The following BRCA1 variants were observed in gnomAD, a reference collection of about 807,000 sequenced individuals.
The protein encoded by BRCA1 is BRCA1 DNA repair associated.
In BRCA1, 140 loss-of-function variants were observed where a neutral mutation model predicts 173.7. That is an observed-to-expected ratio of 0.81 (90% CI 0.70 to 0.93). The LOEUF is 0.93. BRCA1 is among the 40% of genes least tolerant of loss of function. BRCA1 has a pLI of 0.00. For missense variants in BRCA1, 1,983 were observed against 2,172.5 expected, an observed-to-expected ratio of 0.91 and a Z score of 1.73; for synonymous variants, 662 against 756.0, an observed-to-expected ratio of 0.88 and a Z score of 2.04.
intron 11 of BRCA1, among the ~76,000 whole-genome samples, chr17:43,083,184 T>C (rs542450918): frequency 2.0e-5 from 3 of 151,962 alleles, no homozygotes; most frequent in African/African-American, 7.3e-5. Context: ...CTTTCTTTTT[T>C]TTTTTAAGTC....
chr17:43,100,670 ATATATATAAT>A lies in BRCA1; in HGVS notation c.442-800_442-791del, dbSNP rs1345874148. ...ACATATATATAACATATATATATAT[ATATATATAAT>A]ATATATATATATATATATATATGTA... On this transcript the variant is annotated intron_variant, in intron 6 of 22. Transcript: ENST00000357654. Among the ~76,000 whole-genome samples, 11 of 29,112 alleles carry A rather than the reference ATATATATAAT, an allele frequency of 3.8e-4. No individual in the cohort carries two copies. In the South Asian group the frequency reaches 5.7e-3, roughly 15 times the overall value. 19.1% of individuals were successfully genotyped at this position (29,112 alleles called of 152,430 possible). A position where few individuals can be genotyped will look rare whatever the true frequency, so the allele number is the denominator to read the frequency against.
chr17:43,081,133 A>G (rs933195630), intron 12 of BRCA1, among the ~76,000 whole-genome samples: 3 of 152,146 alleles, frequency 2.0e-5, no homozygotes, highest in Non-Finnish European at 4.4e-5. Context: ...CAATAATAAC[A>G]TTTTAAATCT....
intron 1 of BRCA1, among the ~76,000 whole-genome samples, chr17:43,155,592 G>T (rs1350707870): frequency 2.0e-5 from 3 of 152,096 alleles, no homozygotes; most frequent in Non-Finnish European, 4.4e-5. Context: ...GAGTGCAGTG[G>T]TGTGGTCTTG....
chr17:43,068,632 G>A (rs183841852), intron 15 of BRCA1, among the ~76,000 whole-genome samples: 3 of 151,924 alleles, frequency 2.0e-5, no homozygotes, highest in South Asian at 2.1e-4. Context: ...CCCTAAGATC[G>A]TTTCTTTGCA....
chr17:43,087,987 G>A (rs986325603), intron 11 of BRCA1, among the ~76,000 whole-genome samples: 1 of 151,958 alleles, frequency 6.6e-6, no homozygotes, highest in Non-Finnish European at 1.5e-5. Context: ...CCGGGGCTCA[G>A]GCAATCTTCC....
At chr17:43,090,268 T>TG (rs1316761143) in intron 11 of BRCA1, among the ~76,000 whole-genome samples, 8 of 152,028 alleles carry the variant, frequency 5.3e-5, no homozygotes, top group Admixed American at 5.2e-4. Context: ...ATTCTTAAAA[T>TG]GGAGCTATGC....
chr17:43,056,915 GAACC>G (rs2051486457), intron 19 of BRCA1, 133 bp downstream of exon 19: 2 of 816,338 alleles, frequency 2.4e-6, no homozygotes, highest in Non-Finnish European at 4.4e-6. Flanking sequence ...AGTGAAAAAA[GAACC>G]TGTGTGAAAG....
intron 2 of BRCA1, among the ~76,000 whole-genome samples, chr17:43,121,005 G>A (rs1007452919): frequency 1.3e-4 from 19 of 151,484 alleles, no homozygotes; most frequent in African/African-American, 4.6e-4. Context: ...GGCAGGCGGA[G>A]GTTGCAGTGA....
Position 43,094,435 on chromosome 17 carries a change from C to G in BRCA1, c.1096G>C (p.Asp366His), listed in dbSNP as rs1289961661. 13 of 1,614,110 alleles carry G rather than the reference C, an allele frequency of 8.1e-6. No individual in the cohort carries two copies. The highest frequency in any genetic ancestry group is 1.1e-5 in the Non-Finnish European group (13 of 1,180,024). Reference sequence around the variant, plus strand: ...GTTATCCAAGGAACATCTTCAGTATCTCTAGGATTCTCTGAGCATGGCAGT... The same window carrying G: ...GTTATCCAAGGAACATCTTCAGTATGTCTAGGATTCTCTGAGCATGGCAGT... ...QKLPCSENPR[D>H]TEDVPWITLN... is the part of the protein sequence containing the mutation. Residue 366 changes from aspartate (D) to histidine (H), a missense_variant, in exon 10 of 23, where the codon GAT becomes CAT. Physicochemically the swap from Asp to His is moderately conservative, Grantham distance 81. Coordinates refer to ENST00000357654, the MANE Select transcript of BRCA1 (RefSeq NM_007294.4).
At chr17:43,113,679 T>C (rs1230412516) in intron 3 of BRCA1, among the ~76,000 whole-genome samples, 1 of 152,206 alleles carries the variant, frequency 6.6e-6, no homozygotes, top group African/African-American at 2.4e-5. Flanking sequence ...TATTTTCTTT[T>C]ATTTGTACAT....
At chr17:43,100,609 C>CATATATATAACATATATATGTTAT in intron 6 of BRCA1, among the ~76,000 whole-genome samples, 1 of 65,758 alleles carries the variant, frequency 1.5e-5, no homozygotes, top group Non-Finnish European at 2.7e-5. Flanking sequence ...ATATATATAA[C>CATATATATAACATATATATGTTAT]ATATATATAA....
Position 43,067,647 on chromosome 17 carries a change from G to T in BRCA1, c.5035C>A (p.Leu1679Ile), listed in dbSNP as rs934248073. 1 of 1,613,328 alleles carries T rather than the reference G, an allele frequency of 6.2e-7. No homozygotes were observed. Among genetic ancestry groups the T allele is most frequent in the Admixed American group, 1.7e-5 (1 of 59,982 alleles). Residue 1679 changes from leucine to isoleucine, a missense_variant, in exon 16 of 23, where the codon CTA becomes ATA. Physicochemically the swap from Leu to Ile is conservative, Grantham distance 5. Transcript: ENST00000357654. Reference protein sequence around the residue: ...ARKHHITLTNLITEETTHVVM... With the variant: ...ARKHHITLTNIITEETTHVVM... ...ACATGAGTAGTCTCTTCAGTAATTA[G>T]ATTAGTTAAAGTGATGTGGTGTTTT...
At chr17:43,073,159 C>T (rs148436838) in intron 14 of BRCA1, among the ~76,000 whole-genome samples, 24 of 152,058 alleles carry the variant, frequency 1.6e-4, no homozygotes, top group Non-Finnish European at 2.9e-4. Context: ...TAACAAGACC[C>T]GTGTCTAACC....
chr17:43,138,666 G>A, intron 1 of BRCA1: 1 of 778,278 alleles, frequency 1.3e-6, no homozygotes, highest in South Asian at 1.3e-5. Flanking sequence ...GGTGCTGGAA[G>A]CCCAGGAAGC....
At chr17:43,079,184 C>CA (rs1567781296) in intron 12 of BRCA1, 11 of 701,850 alleles carry the variant, frequency 1.6e-5, no homozygotes, top group Admixed American at 2.4e-5. Context: ...CAAACAAAAA[C>CA]AAAACAAAAC....
intron 1 of BRCA1, among the ~76,000 whole-genome samples, chr17:43,146,182 G>GT (rs2056120028): frequency 6.6e-6 from 1 of 151,852 alleles, no homozygotes; most frequent in East Asian, 1.9e-4. Flanking sequence ...TGATCAACAT[G>GT]TGAAGATATG....
At position 43,074,501 on chromosome 17, in the gene BRCA1, G is replaced by T. The variant is rs56335406; in HGVS notation, c.4505C>A (p.Pro1502Gln). 3 of 1,613,802 alleles carry T rather than the reference G, an allele frequency of 1.9e-6. No homozygotes were observed. The highest frequency in any genetic ancestry group is 2.5e-6 in the Non-Finnish European group (3 of 1,179,768). The part of the protein sequence containing the change: ...GVERSSPSKC[P>Q]SLDDRWYMHS... Reference sequence around the variant, plus strand: ...CATGTACCACCTATCATCTAATGATGGGCATTTAGAAGGGGATGACCTAGA... The same window carrying T: ...CATGTACCACCTATCATCTAATGATTGGCATTTAGAAGGGGATGACCTAGA... The change falls in exon 14 of 23, where the codon CCA becomes CAA. Residue 1502 changes from proline to glutamine, a missense_variant. Pro to Gln is a moderately conservative substitution (Grantham distance 76). Transcript: ENST00000357654.
At position 43,067,715 on chromosome 17, in the gene BRCA1, T is replaced by C. The variant is rs80358035; in HGVS notation, c.4987-20A>G. On this transcript the variant is annotated intron_variant, in intron 15 of 22. Coordinates refer to ENST00000357654, the MANE Select transcript of BRCA1 (RefSeq NM_007294.4). ...GAGCATCTGAAATTAAATCAAATAT[T>C]CCATTATCATGAGTTACCTCTAGCA... The C allele has an allele frequency of 4.7e-4, 751 of 1,584,512 alleles. 5 individuals carry two copies. The African/African-American group carries it at 9.0e-3, about 19-fold the overall frequency.
chr17:43,129,141 A>G (rs1030968740), upstream of BRCA1, among the ~76,000 whole-genome samples: 15 of 152,258 alleles, frequency 9.9e-5, no homozygotes, highest in South Asian at 4.1e-4. Flanking sequence ...AATAATGTCA[A>G]TTATGAAAGC....
Sources: allele counts gnomAD v4.1 joint callset (sites outside exome capture counted in the v4.1 genomes callset), GRCh38; gene constraint gnomAD v4.1.1; transcripts MANE v1.5; gene names NCBI Gene and HGNC (gene_info 2026-07-23, HGNC 2026-07-21).